NCAPG2: variants seen among roughly 807,000 people sequenced by gnomAD.
The protein encoded by NCAPG2 is condensin-2 complex subunit G2.
NCAPG2 carries 53 observed loss-of-function variants against 141.1 expected under a neutral mutation model. The ratio of observed to expected loss-of-function variants is 0.38; its 90% confidence interval spans 0.30 to 0.47. NCAPG2 has a LOEUF of 0.47. Among genes scored for constraint, NCAPG2 ranks in the 20% least tolerant of loss-of-function variants. NCAPG2 has a pLI of 0.99. For missense variants in NCAPG2, 1,087 were observed against 1,389.0 expected (o/e 0.78, Z 3.46); for synonymous variants, 499 against 490.7 (o/e 1.02, Z -0.22).
rs1833413344 is a variant in NCAPG2, at chr7:158,668,341, CAA to C, written c.1479+3171_1479+3172del. 5 of 954,452 alleles carry C rather than the reference CAA, an allele frequency of 5.2e-6. No individual in the cohort carries two copies. In the African/African-American group the frequency reaches 8.4e-5, roughly 16 times the overall value. 59.1% of individuals were successfully genotyped at this position (954,452 alleles called of 1,614,324 possible). A position where few individuals can be genotyped will look rare whatever the true frequency, so the allele number is the denominator to read the frequency against. Reference sequence around the variant, plus strand: ...GGGTCCCTCCGCCCTCCCTTACCCACAACTGGGTCCCTCCGCCCTCCTTACCC... The same window carrying C: ...GGGTCCCTCCGCCCTCCCTTACCCACCTGGGTCCCTCCGCCCTCCTTACCC... On this transcript the variant is annotated intron_variant, in intron 13 of 27. Coordinates refer to ENST00000356309, the MANE Select transcript of NCAPG2 (RefSeq NM_017760.7).
intron 16 of NCAPG2, among the ~76,000 whole-genome samples, chr7:158,660,401 C>CT (rs945928092): frequency 0.047 from 3,451 of 72,786 alleles, 227 homozygotes; most frequent in African/African-American, 0.095. Flanking sequence ...TTTCAGCTTT[C>CT]TTTTTTTTTT....
rs201696298 is a variant in NCAPG2, at chr7:158,693,262, C to CA, written c.267+46dup. 3,729 of 1,554,306 alleles carry CA rather than the reference C, an allele frequency of 2.4e-3. 10 individuals carry two copies. Among genetic ancestry groups the CA allele is most frequent in the Non-Finnish European group, 2.9e-3 (3,380 of 1,147,696 alleles). On this transcript the variant is annotated intron_variant, in intron 3 of 27. Transcript: ENST00000356309. The stretch of plus-strand genomic sequence containing the variant: ...GATACACAGTGAAGTTATTTTTTGA[C>CA]AAAAAAAAGAGAAAAACGTTTCTTA...
At chr7:158,645,467 C>G in intron 26 of NCAPG2, 52 bp downstream of exon 26, 1 of 1,515,392 alleles carries the variant, frequency 6.6e-7, no homozygotes, top group East Asian at 2.3e-5. Context: ...CATGACAGCA[C>G]CTGTGAGGTG....
chr7:158,689,668 G>T, intron 6 of NCAPG2, 151 bp downstream of exon 6: 1 of 563,774 alleles, frequency 1.8e-6, no homozygotes, highest in Non-Finnish European at 2.8e-6. Flanking sequence ...GTCTTCTCTA[G>T]TACTGCCATG....
Position 158,675,507 on chromosome 7 carries a change from G to A in NCAPG2, c.1296C>T (p.Ser432=), listed in dbSNP as rs775510155. The A allele has an allele frequency of 1.2e-5, 19 of 1,611,094 alleles. No homozygotes were observed. Among genetic ancestry groups the A allele is most frequent in the Non-Finnish European group, 1.5e-5 (18 of 1,179,446 alleles). The change falls in exon 12 of 28, where the codon AGC becomes AGT. Residue 432 remains serine, a synonymous_variant. Transcript: ENST00000356309. ...KVTGELAFDT[S]SADVRCSVFK... is the part of the protein sequence containing the mutation. ...AGACAGAACAACGAACATCAGCTGA[G>A]CTCGTGTCAAATGCCAGTTCCCCAG...
chr7:158,651,432 T>C (rs1253957296), intron 23 of NCAPG2, among the ~76,000 whole-genome samples: 1 of 152,158 alleles, frequency 6.6e-6, no homozygotes, highest in Non-Finnish European at 1.5e-5. Context: ...TGAACTCAAA[T>C]TGAACTAGAC....
intron 26 of NCAPG2, 143 bp downstream of exon 26, chr7:158,645,376 G>T: frequency 1.5e-6 from 1 of 670,222 alleles, no homozygotes; most frequent in Non-Finnish European, 2.6e-6. Flanking sequence ...TCCAGCACAT[G>T]AGAAGGCAGG....
intron 16 of NCAPG2, among the ~76,000 whole-genome samples, chr7:158,661,089 G>GACTAATACAATTTTGGCA (rs1191188988): frequency 6.6e-6 from 1 of 152,140 alleles, no homozygotes; most frequent in African/African-American, 2.4e-5. Context: ...CATGAAAACA[G>GACTAATACAATTTTGGCA]ACTAATACAA....
In NCAPG2 at chr7:158,671,632, T is replaced by C. The variant is rs769839148; in HGVS notation, c.1361A>G (p.His454Arg). Reference protein sequence around the residue: ...LPMILDNKLSHPLLEQLLPAL... With the variant: ...LPMILDNKLSRPLLEQLLPAL... ...TGGAAGGAGCTGCTCTAACAATGGG[T>C]GGCTCAGTTTGTTGTCCAAAATCAT... Residue 454 changes from histidine (H) to arginine (R), a missense_variant, in exon 13 of 28, where the codon CAC becomes CGC. By Grantham distance (29) the His-to-Arg change is conservative. Transcript: ENST00000356309. The C allele has an allele frequency of 6.2e-7, 1 of 1,614,150 alleles. No homozygotes were observed. The highest frequency in any genetic ancestry group is 1.1e-5 in the South Asian group (1 of 91,078).
Position 158,680,583 on chromosome 7 carries a change from T to A in NCAPG2, c.1020+138A>T, listed in dbSNP as rs145529992. On this transcript the variant is annotated intron_variant, in intron 10 of 27. Transcript: ENST00000356309. The stretch of plus-strand genomic sequence containing the variant: ...ATGCTTTTAATAAAAGAAAAAAACA[T>A]TTGTTCAAAAATTTCAGAAAGCATT... 873 of 506,834 alleles carry A rather than the reference T, an allele frequency of 1.7e-3. 5 individuals carry two copies. Among genetic ancestry groups the A allele is most frequent in the African/African-American group, 0.016 (814 of 50,390 alleles). The allele number at this position is 506,834 out of a possible 1,614,324, so 31.4% of individuals were successfully genotyped here.
chr7:158,634,482 G>C (rs1404668438), intron 27 of NCAPG2, among the ~76,000 whole-genome samples: 1 of 152,042 alleles, frequency 6.6e-6, no homozygotes, highest in Non-Finnish European at 1.5e-5. Context: ...ATCCATTTTT[G>C]TCCCAAATAT....
chr7:158,652,196 A>G, intron 23 of NCAPG2, 97 bp downstream of exon 23: 1 of 1,242,084 alleles, frequency 8.1e-7, no homozygotes, highest in Non-Finnish European at 1.1e-6. Flanking sequence ...GTGTCACCCG[A>G]GCGTGAACAG....
At chr7:158,652,877 G>A (rs1416211377) in intron 22 of NCAPG2, among the ~76,000 whole-genome samples, 2 of 152,160 alleles carry the variant, frequency 1.3e-5, no homozygotes, top group African/African-American at 4.8e-5. Flanking sequence ...AATGAAACTG[G>A]CTACACTGGA....
chr7:158,677,537 A>AAAAAAAAAAAAAAG (rs1834162067), intron 11 of NCAPG2, among the ~76,000 whole-genome samples: 1 of 151,048 alleles, frequency 6.6e-6, no homozygotes, highest in Non-Finnish European at 1.5e-5. Context: ...AAAAAAAAAA[A>AAAAAAAAAAAAAAG]AAAAAAAAAA....
intron 27 of NCAPG2, among the ~76,000 whole-genome samples, chr7:158,637,861 T>C (rs73730475): frequency 0.028 from 4,305 of 152,110 alleles, 212 homozygotes; most frequent in African/African-American, 0.097. Flanking sequence ...CCCTGACACT[T>C]GGCTGGGCAC....
chr7:158,680,647 G>T (rs2305470), intron 10 of NCAPG2, 74 bp downstream of exon 10: 840,223 of 936,012 alleles, frequency 0.9, 377,452 homozygotes, highest in East Asian at 0.95. Flanking sequence ...ATTGTAATTT[G>T]GACTTAGAGT....
rs750039564 is a variant in NCAPG2, at chr7:158,654,663, A to G, written c.2678T>C (p.Met893Thr). Reference sequence around the variant, plus strand: ...AAACTGATGGTCACCAAGGCCTACCATAACAACATCTTTACACACAGTCAG... The same window carrying G: ...AAACTGATGGTCACCAAGGCCTACCGTAACAACATCTTTACACACAGTCAG... ...TYLTVCKDVV[M>T]VGLGDHQFQM... The change falls in exon 22 of 28, where the codon ATG becomes ACG. Residue 893 changes from methionine (M) to threonine (T), a missense_variant. Transcript: ENST00000356309. 14 of 1,614,034 alleles carry G rather than the reference A, an allele frequency of 8.7e-6. 1 individual carries two copies. The Middle Eastern group carries it at 2.0e-3, about 227-fold the overall frequency.
At chr7:158,679,414 A>C (rs914603449) in intron 11 of NCAPG2, among the ~76,000 whole-genome samples, 1 of 152,230 alleles carries the variant, frequency 6.6e-6, no homozygotes, top group African/African-American at 2.4e-5. Context: ...TTAACATCCT[A>C]GCACCTCATC....
chr7:158,660,044 G>A (rs1233195757), intron 16 of NCAPG2, among the ~76,000 whole-genome samples: 1 of 151,702 alleles, frequency 6.6e-6, no homozygotes, highest in Non-Finnish European at 1.5e-5. Context: ...CCCGGGAGGC[G>A]AGGCTTGCAG....
Sources: allele counts gnomAD v4.1 joint callset (sites outside exome capture counted in the v4.1 genomes callset), GRCh38; gene constraint gnomAD v4.1.1; transcripts MANE v1.5; gene names NCBI Gene and HGNC (gene_info 2026-07-23, HGNC 2026-07-21).